Variants in SCTR observed in about 807,000 individuals in gnomAD.
SCTR encodes secretin receptor.
SCTR carries 56 observed loss-of-function variants against 60.8 expected under a neutral mutation model. The observed-to-expected ratio is 0.92, with a 90% CI of 0.74 to 1.15. The LOEUF (loss-of-function observed/expected upper bound fraction) is 1.15. SCTR is among the 50% of genes most tolerant of loss of function. The pLI is 0.00. For synonymous variants in SCTR, 202 were observed against 217.0 expected (o/e 0.93, Z 0.61); for missense variants, 562 against 550.4 (o/e 1.02, Z -0.21).
intron 4 of SCTR, among the ~76,000 whole-genome samples, chr2:119,466,744 C>T (rs1237342553): frequency 6.7e-6 from 1 of 150,068 alleles, no homozygotes; most frequent in African/African-American, 2.5e-5. Context: ...GAGTAAGACC[C>T]TGTCTCAAAT....
intron 1 of SCTR, among the ~76,000 whole-genome samples, chr2:119,505,880 T>C (rs1480242629): frequency 6.6e-6 from 1 of 152,142 alleles, no homozygotes; most frequent in Non-Finnish European, 1.5e-5. Context: ...GAAAAAAAGA[T>C]ATACAGATGG....
intron 4 of SCTR, 44 bp downstream of exon 4, chr2:119,473,409 G>T: frequency 7.2e-7 from 1 of 1,394,192 alleles, no homozygotes; most frequent in Non-Finnish European, 1.0e-6. Flanking sequence ...TCACCCTATA[G>T]GTTCCTGTCC....
At chr2:119,513,411 A>T (rs1679017674) in intron 1 of SCTR, among the ~76,000 whole-genome samples, 1 of 152,208 alleles carries the variant, frequency 6.6e-6, no homozygotes, top group South Asian at 2.1e-4. Flanking sequence ...ATTTAAAAAA[A>T]TTCCTCAAAA....
intron 2 of SCTR, among the ~76,000 whole-genome samples, chr2:119,491,135 G>A (rs1054363626): frequency 6.6e-6 from 1 of 152,140 alleles, no homozygotes; most frequent in African/African-American, 2.4e-5. Context: ...AGACCACCAG[G>A]CTCACAGCGA....
At chr2:119,489,552 G>T (rs980738817) in intron 2 of SCTR, among the ~76,000 whole-genome samples, 1 of 152,170 alleles carries the variant, frequency 6.6e-6, no homozygotes, top group Non-Finnish European at 1.5e-5. Flanking sequence ...GCAGAGGTGC[G>T]AGACGAGAGA....
At chr2:119,446,915 C>T (rs771054866) in intron 10 of SCTR, 30 bp from the exon 11 acceptor site, 6 of 1,429,162 alleles carry the variant, frequency 4.2e-6, no homozygotes, top group Non-Finnish European at 4.6e-6. Flanking sequence ...GTAGCCTCCA[C>T]TCTGCCTCCC....
intron 2 of SCTR, among the ~76,000 whole-genome samples, chr2:119,493,641 CTTTTT>C (rs35864019): frequency 1.5e-5 from 2 of 133,412 alleles, no homozygotes; most frequent in Admixed American, 7.7e-5. Flanking sequence ...CATTCTTCTT[CTTTTT>C]TTTTTTTTTT....
chr2:119,513,096 G>A (rs999866536), intron 1 of SCTR, among the ~76,000 whole-genome samples: 1 of 152,174 alleles, frequency 6.6e-6, no homozygotes, highest in Non-Finnish European at 1.5e-5. Flanking sequence ...CCACTGCTGG[G>A]GTCTATGAGT....
chr2:119,488,091 C>G (rs1462986869), intron 2 of SCTR, among the ~76,000 whole-genome samples: 1 of 152,254 alleles, frequency 6.6e-6, no homozygotes, highest in Non-Finnish European at 1.5e-5. Flanking sequence ...TGGGGCAGAT[C>G]TGAAGACTTT....
chr2:119,460,452 A>G (rs1311496936), intron 7 of SCTR, among the ~76,000 whole-genome samples: 1 of 151,608 alleles, frequency 6.6e-6, no homozygotes, highest in Non-Finnish European at 1.5e-5. Flanking sequence ...GGATGGATGG[A>G]TGGATGGATG....
intron 1 of SCTR, among the ~76,000 whole-genome samples, chr2:119,502,671 C>A (rs1573912026): frequency 6.6e-6 from 1 of 151,836 alleles, no homozygotes; most frequent in Non-Finnish European, 1.5e-5. Flanking sequence ...TACAGACATA[C>A]AATTGATGAT....
chr2:119,478,842 C>G lies in SCTR; in HGVS notation c.270G>C (p.Pro90=). The change falls in exon 3 of 13, where the codon CCG becomes CCC. Residue 90 remains proline, a synonymous_variant. Transcript: ENST00000019103. ...TGCTGGTGAGCATCCGGAGGAATCT[C>G]GGGCATTCCACCTCCACCATCCGGC... The part of the protein sequence containing the change: ...VPGRMVEVEC[P]RFLRMLTSRN... The G allele has an allele frequency of 4.3e-6, 7 of 1,614,156 alleles. No homozygotes were observed. The highest frequency in any genetic ancestry group is 5.9e-6 in the Non-Finnish European group (7 of 1,180,018).
At chr2:119,459,754 T>C (rs2104793611) in intron 7 of SCTR, among the ~76,000 whole-genome samples, 1 of 152,298 alleles carries the variant, frequency 6.6e-6, no homozygotes, top group East Asian at 1.9e-4. Flanking sequence ...TAAAATCCTG[T>C]GACAGAGATA....
intron 3 of SCTR, among the ~76,000 whole-genome samples, chr2:119,475,077 A>G (rs1677209618): frequency 1.3e-5 from 2 of 152,260 alleles, no homozygotes; most frequent in Non-Finnish European, 2.9e-5. Context: ...TGCCAGGCAC[A>G]GAGCGGGCAC....
chr2:119,501,246 T>C (rs1275361711), intron 1 of SCTR, among the ~76,000 whole-genome samples: 2 of 152,006 alleles, frequency 1.3e-5, no homozygotes, highest in Non-Finnish European at 1.5e-5. Flanking sequence ...CTGTCTCTAC[T>C]AAAAATACAA....
At chr2:119,489,095 T>C (rs58053776) in intron 2 of SCTR, among the ~76,000 whole-genome samples, 2,990 of 152,200 alleles carry the variant, frequency 0.02, 98 homozygotes, top group African/African-American at 0.067. Flanking sequence ...TGGTCACTAG[T>C]CAGAGCCTGA....
rs755659526 is a variant in SCTR, at chr2:119,478,950, G to A, written c.194-32C>T. On this transcript the variant is annotated intron_variant, in intron 2 of 12. Transcript: ENST00000019103. Reference sequence around the variant, plus strand: ...AGAAAAGCAGCATCAGACAAGGATGGGGGATGGACCGAGGGCTGCCCTACC... The same window carrying A: ...AGAAAAGCAGCATCAGACAAGGATGAGGGATGGACCGAGGGCTGCCCTACC... 3.7e-6 allele frequency: 6 copies of A among 1,613,530 alleles called. No individual in the cohort carries two copies. The African/African-American group carries it at 6.7e-5, about 18-fold the overall frequency.
In SCTR at chr2:119,451,436, C is replaced by G. The variant is rs190647172; in HGVS notation, c.921+574G>C. 1.9e-4 allele frequency among the ~76,000 whole-genome samples: 29 copies of G among 152,292 alleles called. No individual in the cohort carries two copies. The East Asian group carries it at 5.6e-3, about 29-fold the overall frequency. On this transcript the variant is annotated intron_variant, in intron 9 of 12. Transcript: ENST00000019103. ...TAGCTATCAGTATTTTCTAAAAGCT[C>G]CCAGGTGATTCAAAAGGGCCACCAG...
intron 1 of SCTR, among the ~76,000 whole-genome samples, chr2:119,510,559 C>T (rs1215150293): frequency 6.6e-6 from 1 of 151,876 alleles, no homozygotes. Context: ...CATTTAGTAG[C>T]TATATGCATG....
Sources: allele counts gnomAD v4.1 joint callset (sites outside exome capture counted in the v4.1 genomes callset), GRCh38; gene constraint gnomAD v4.1.1; transcripts MANE v1.5; gene names NCBI Gene and HGNC (gene_info 2026-07-23, HGNC 2026-07-21).